Variants in PNPLA8 observed in about 807,000 individuals in gnomAD.
PNPLA8 encodes patatin like domain 8, phospholipase A2, also known as calcium-independent phospholipase A2-gamma.
In PNPLA8, 39 loss-of-function variants were observed where a neutral mutation model predicts 76.9. The ratio of observed to expected loss-of-function variants is 0.51; its 90% CI spans 0.39 to 0.66. The LOEUF (loss-of-function observed/expected upper bound fraction) is 0.66, where lower values mean the gene tolerates loss of function less well. PNPLA8 is among the 30% of genes least tolerant of loss of function. PNPLA8 has a pLI of 0.00. For synonymous variants in PNPLA8, 301 were observed against 307.9 expected (o/e 0.98, Z 0.24); for missense variants, 887 against 918.0 (o/e 0.97, Z 0.44).
At chr7:108,506,365 G>A (rs1019640724) in intron 4 of PNPLA8, among the ~76,000 whole-genome samples, 2 of 151,470 alleles carry the variant, frequency 1.3e-5, no homozygotes, top group African/African-American at 2.4e-5. Flanking sequence ...ACAACAGAGC[G>A]ACACTCAGTC....
In PNPLA8 at chr7:108,515,571, T is replaced by C; in HGVS notation, c.-80A>G. Reference sequence around the variant, plus strand: ...TTAAGAAATGCCATAATTCATGGTCTTACCTGAAATGGCAAGAAAAAAAAT... The same window carrying C: ...TTAAGAAATGCCATAATTCATGGTCCTACCTGAAATGGCAAGAAAAAAAAT... On this transcript the variant is annotated 5_prime_UTR_variant, in exon 3 of 11. It removes the in-frame stop codon of an upstream open reading frame in the 5' UTR. Transcript: ENST00000257694. 7.9e-7 allele frequency: 1 copy of C among 1,273,724 alleles called. No individual in the cohort carries two copies. The highest frequency in any genetic ancestry group is 2.6e-4 in the Middle Eastern group (1 of 3,898). The allele number at this position is 1,273,724 out of a possible 1,614,324, so 78.9% of individuals were successfully genotyped here.
chr7:108,510,633 T>C (rs576431641), intron 4 of PNPLA8: 8 of 1,569,828 alleles, frequency 5.1e-6, no homozygotes, highest in East Asian at 2.2e-5. Context: ...ATGCTGAGGA[T>C]TGTAGAGCCA....
Position 108,505,339 on chromosome 7 carries a change from TATATATATATATA to T in PNPLA8, c.1207-2710_1207-2698del, listed in dbSNP as rs1298532325. ...ATATATATATATATATATATATATA[TATATATATATATA>T]TTTTTTTTTTTTTTTTTTTTTTTTT... On this transcript the variant is annotated intron_variant, in intron 4 of 10. Transcript: ENST00000257694. 9.1e-3 allele frequency among the ~76,000 whole-genome samples: 90 copies of T among 9,888 alleles called. 3 individuals are homozygous for T. The highest frequency in any genetic ancestry group is 0.012 in the Non-Finnish European group (76 of 6,284). 6.5% of individuals were successfully genotyped at this position (9,888 alleles called of 152,430 possible). A position where few individuals can be genotyped will look rare whatever the true frequency, so the allele number is the denominator to read the frequency against.
chr7:108,527,548 A>G (rs998331543), upstream of PNPLA8, among the ~76,000 whole-genome samples: 7 of 152,238 alleles, frequency 4.6e-5, no homozygotes, highest in Admixed American at 6.5e-5. Flanking sequence ...AACTATTGCA[A>G]TAGGTGCCAT....
chr7:108,524,576 G>A (rs1863951553), intron 1 of PNPLA8, among the ~76,000 whole-genome samples: 1 of 152,210 alleles, frequency 6.6e-6, no homozygotes, highest in Admixed American at 6.5e-5. Flanking sequence ...TGAAATCCCA[G>A]CACTTTGGGA....
chr7:108,482,772 A>C (rs1223519027), intron 9 of PNPLA8, among the ~76,000 whole-genome samples: 6 of 152,204 alleles, frequency 3.9e-5, no homozygotes, highest in African/African-American at 1.4e-4. Context: ...GATCTACTGT[A>C]AACTGTACTG....
chr7:108,491,968 C>T (rs40843), intron 7 of PNPLA8, among the ~76,000 whole-genome samples: 42,388 of 152,040 alleles, frequency 0.28, 6,245 homozygotes, highest in African/African-American at 0.32. Flanking sequence ...CAGCCAATGT[C>T]ATCAAGAAAA....
Position 108,472,342 on chromosome 7 carries a change from T to C in PNPLA8, c.*59A>G, listed in dbSNP as rs1598853346. 4 of 1,182,932 alleles carry C rather than the reference T, an allele frequency of 3.4e-6. No individual in the cohort carries two copies. The highest frequency in any genetic ancestry group is 2.5e-5 in the Admixed American group (1 of 40,294). The allele number at this position is 1,182,932 out of a possible 1,614,324, so 73.3% of individuals were successfully genotyped here. A position where few individuals can be genotyped will look rare whatever the true frequency, so the allele number is the denominator to read the frequency against. On this transcript the variant is annotated 3_prime_UTR_variant, in exon 11 of 11. Coordinates refer to ENST00000257694, the MANE Select transcript of PNPLA8 (RefSeq NM_001256007.3). ...TCATGTCGAACCCCACAATTCCTTA[T>C]TGAATGTGGTTGATCTTCTAAACAG...
intron 3 of PNPLA8, 48 bp downstream of exon 3, chr7:108,514,388 A>G: frequency 6.4e-7 from 1 of 1,554,944 alleles, no homozygotes; most frequent in Non-Finnish European, 8.7e-7. Context: ...TAAAACTTAT[A>G]AATTTGACAA....
chr7:108,501,751 G>A (rs1861963513), intron 5 of PNPLA8, among the ~76,000 whole-genome samples: 1 of 152,132 alleles, frequency 6.6e-6, no homozygotes, highest in Non-Finnish European at 1.5e-5. Flanking sequence ...TTGAACTTGG[G>A]AGGCAGAGGT....
At chr7:108,524,209 T>C (rs1297493432) in intron 1 of PNPLA8, among the ~76,000 whole-genome samples, 1 of 152,214 alleles carries the variant, frequency 6.6e-6, no homozygotes, top group Non-Finnish European at 1.5e-5. Context: ...TCAGGCAACC[T>C]GAGTAAAGCT....
intron 2 of PNPLA8, among the ~76,000 whole-genome samples, chr7:108,517,763 G>A (rs573959758): frequency 6.6e-6 from 1 of 152,004 alleles, no homozygotes; most frequent in Non-Finnish European, 1.5e-5. Context: ...TGTAATATGG[G>A]GTGTCTGTGT....
chr7:108,515,025 G>A lies in PNPLA8; in HGVS notation c.467C>T (p.Ser156Phe), dbSNP rs1047165345. 18 of 1,607,330 alleles carry A rather than the reference G, an allele frequency of 1.1e-5. No individual in the cohort carries two copies. The Admixed American group carries it at 2.5e-4, about 22-fold the overall frequency. ...KQKNIKQAIK[S>F]LKKYSDKSAE... is the part of the protein sequence containing the mutation. The stretch of plus-strand genomic sequence containing the variant: ...TGATTTGTCACTATATTTTTTCAGA[G>A]ATTTGATGGCTTGTTTGATGTTTTT... Residue 156 changes from serine (S) to phenylalanine (F), a missense_variant, in exon 3 of 11, where the codon TCT (serine) becomes TTT (phenylalanine). Ser to Phe is a radical substitution (Grantham distance 155). Transcript: ENST00000257694.
At position 108,490,554 on chromosome 7, in the gene PNPLA8, T is replaced by C. The variant is rs958088794; in HGVS notation, c.1683+856A>G. On this transcript the variant is annotated intron_variant, in intron 8 of 10. Coordinates refer to ENST00000257694, the MANE Select transcript of PNPLA8 (RefSeq NM_001256007.3). ...ATCCCAGCACTTTGGGAGGCTGAGG[T>C]GGGCGAATCACGAGGTCAGGAGATC... 4.0e-5 allele frequency among the ~76,000 whole-genome samples: 6 copies of C among 151,464 alleles called. No individual in the cohort carries two copies. The South Asian group carries it at 6.3e-4, about 16-fold the overall frequency.
At chr7:108,501,365 G>T (rs1040281115) in intron 5 of PNPLA8, among the ~76,000 whole-genome samples, 1 of 152,138 alleles carries the variant, frequency 6.6e-6, no homozygotes, top group Non-Finnish European at 1.5e-5. Flanking sequence ...GCTTAATAGT[G>T]AAATTATCTC....
chr7:108,489,175 A>G (rs1280854725), intron 8 of PNPLA8, among the ~76,000 whole-genome samples: 1 of 152,220 alleles, frequency 6.6e-6, no homozygotes, highest in Non-Finnish European at 1.5e-5. Flanking sequence ...CAAGCAAACA[A>G]ACAAGGAGCC....
chr7:108,474,639 G>A (rs1045081635), intron 10 of PNPLA8, among the ~76,000 whole-genome samples: 1 of 152,176 alleles, frequency 6.6e-6, no homozygotes, highest in East Asian at 1.9e-4. Context: ...CAAGGTCAAC[G>A]CTGTGGATAC....
At chr7:108,502,858 A>G (rs886689308) in intron 4 of PNPLA8, 6 of 352,154 alleles carry the variant, frequency 1.7e-5, no homozygotes, top group African/African-American at 1.3e-4. Context: ...AAATTAACCA[A>G]TATTCAAAAG....
chr7:108,486,487 A>C (rs1301312620), intron 9 of PNPLA8, among the ~76,000 whole-genome samples: 2 of 152,122 alleles, frequency 1.3e-5, no homozygotes, highest in Non-Finnish European at 2.9e-5. Flanking sequence ...GGGTGGAAGA[A>C]AGAGAAGAAA....
Sources: allele counts gnomAD v4.1 joint callset (sites outside exome capture counted in the v4.1 genomes callset), GRCh38; gene constraint gnomAD v4.1.1; transcripts MANE v1.5; gene names NCBI Gene and HGNC (gene_info 2026-07-23, HGNC 2026-07-21).